Variants in XRCC4 observed in about 807,000 individuals in gnomAD.
XRCC4 encodes DNA repair protein XRCC4.
Under a neutral mutation model 39.1 loss-of-function variants are expected in XRCC4, and 28 were observed. The ratio of observed to expected loss-of-function variants is 0.72; its 90% confidence interval spans 0.53 to 0.98. The LOEUF is 0.98. Ranked by LOEUF, XRCC4 falls within the 50% of genes least tolerant of loss-of-function variation. The probability of loss-of-function intolerance (pLI) is 0.00; values close to 1 mark genes in which losing one functional copy is unlikely to be tolerated. For synonymous variants in XRCC4, 123 were observed against 126.4 expected (o/e 0.97, Z 0.18); for missense variants, 350 against 376.4 (o/e 0.93, Z 0.58).
At chr5:83,259,629 A>G (rs1753680625) in intron 7 of XRCC4, among the ~76,000 whole-genome samples, 1 of 152,140 alleles carries the variant, frequency 6.6e-6, no homozygotes. Context: ...AAAAGTATAA[A>G]ACAATGCCCT....
chr5:83,141,628 G>A (rs10473868), intron 3 of XRCC4, among the ~76,000 whole-genome samples: 73,117 of 151,284 alleles, frequency 0.48, 18,574 homozygotes, highest in African/African-American at 0.63. Context: ...GTTTGTTTGT[G>A]TCTTTTTCCT....
At chr5:83,261,319 C>G (rs956320319) in intron 7 of XRCC4, among the ~76,000 whole-genome samples, 2 of 151,938 alleles carry the variant, frequency 1.3e-5, no homozygotes, top group African/African-American at 4.8e-5. Flanking sequence ...ATTTTTTTCT[C>G]TGACAGCTTG....
At chr5:83,244,886 G>A (rs185389175) in intron 6 of XRCC4, among the ~76,000 whole-genome samples, 12 of 152,252 alleles carry the variant, frequency 7.9e-5, no homozygotes, top group Middle Eastern at 3.4e-3. Flanking sequence ...TTAAACATAA[G>A]TTTGGCATAG....
intron 7 of XRCC4, chr5:83,258,933 A>T (rs1179464449): frequency 7.9e-6 from 3 of 382,052 alleles, no homozygotes; most frequent in Non-Finnish European, 9.4e-6. Flanking sequence ...TAGAAATGGC[A>T]TGTAGGATAC....
chr5:83,176,051 A>ATG (rs1749941929), intron 3 of XRCC4, among the ~76,000 whole-genome samples: 1 of 151,636 alleles, frequency 6.6e-6, no homozygotes, highest in African/African-American at 2.4e-5. Flanking sequence ...TAATAATAAT[A>ATG]ATGATTTAAA....
chr5:83,224,258 TTTTCTG>T (rs1269600598), intron 6 of XRCC4, among the ~76,000 whole-genome samples: 1 of 152,070 alleles, frequency 6.6e-6, no homozygotes, highest in Non-Finnish European at 1.5e-5. Context: ...CTTTTTATTC[TTTTCTG>T]TTTCTCTTTT....
intron 3 of XRCC4, among the ~76,000 whole-genome samples, chr5:83,141,131 C>T (rs1300671826): frequency 1.3e-5 from 2 of 152,312 alleles, no homozygotes; most frequent in African/African-American, 4.8e-5. Context: ...CATATCAGCT[C>T]ATAAGGAACT....
chr5:83,325,516 C>A (rs901375534), intron 7 of XRCC4, among the ~76,000 whole-genome samples: 1 of 151,948 alleles, frequency 6.6e-6, no homozygotes. Context: ...TGTGTCCATG[C>A]GTTCTCATCA....
intron 7 of XRCC4, among the ~76,000 whole-genome samples, chr5:83,273,861 G>A (rs369296546): frequency 7.2e-5 from 11 of 152,022 alleles, no homozygotes; most frequent in Admixed American, 2.0e-4. Context: ...GGTGCCACTA[G>A]CCTTGTTCTT....
chr5:83,244,618 G>A (rs780442129), intron 6 of XRCC4, among the ~76,000 whole-genome samples: 3 of 152,062 alleles, frequency 2.0e-5, no homozygotes, highest in Non-Finnish European at 4.4e-5. Flanking sequence ...CTTTCCCACA[G>A]CTTTGCCTTA....
intron 7 of XRCC4, among the ~76,000 whole-genome samples, chr5:83,294,171 C>A (rs142822062): frequency 6.6e-6 from 1 of 151,956 alleles, no homozygotes; most frequent in African/African-American, 2.4e-5. Context: ...CTGTTGGTAG[C>A]AACCAGATAC....
intron 7 of XRCC4, among the ~76,000 whole-genome samples, chr5:83,271,799 C>T (rs766709433): frequency 2.3e-4 from 35 of 152,186 alleles, no homozygotes; most frequent in Non-Finnish European, 4.3e-4. Context: ...AGCATATGCC[C>T]AGGAGTGAAA....
intron 7 of XRCC4, among the ~76,000 whole-genome samples, chr5:83,264,630 ACCAC>A (rs1753890244): frequency 6.6e-6 from 1 of 152,080 alleles, no homozygotes; most frequent in Non-Finnish European, 1.5e-5. Flanking sequence ...CCTGGAGATG[ACCAC>A]CGTTGAGACC....
intron 6 of XRCC4, among the ~76,000 whole-genome samples, chr5:83,239,657 GT>G (rs1228987207): frequency 3.5e-5 from 5 of 141,074 alleles, no homozygotes; most frequent in Non-Finnish European, 1.5e-5. Flanking sequence ...GTGAAACCCC[GT>G]CTCTACTAAA....
chr5:83,231,542 C>T (rs1464379373), intron 6 of XRCC4, among the ~76,000 whole-genome samples: 2 of 152,154 alleles, frequency 1.3e-5, no homozygotes, highest in East Asian at 3.9e-4. Flanking sequence ...ATCATTTTAT[C>T]TGCCATGTTT....
At chr5:83,344,415 C>CTTTTTT (rs70973394) in intron 7 of XRCC4, among the ~76,000 whole-genome samples, 169 of 115,228 alleles carry the variant, frequency 1.5e-3, no homozygotes, top group East Asian at 4.1e-3. Flanking sequence ...TTATTTTTCA[C>CTTTTTT]TTTTTTTTTT....
At chr5:83,102,652 G>A (rs1745995787) in intron 1 of XRCC4, among the ~76,000 whole-genome samples, 2 of 152,032 alleles carry the variant, frequency 1.3e-5, no homozygotes, top group Non-Finnish European at 1.5e-5. Context: ...CATTTGATGG[G>A]AGACTGGAAA....
At chr5:83,081,268 A>G (rs1369518273) in intron 1 of XRCC4, among the ~76,000 whole-genome samples, 1 of 152,224 alleles carries the variant, frequency 6.6e-6, no homozygotes, top group African/African-American at 2.4e-5. Context: ...ATTACCTTTT[A>G]CATTACCTAC....
At chr5:83,115,985 C>T (rs1367686392) in intron 3 of XRCC4, among the ~76,000 whole-genome samples, 1 of 152,116 alleles carries the variant, frequency 6.6e-6, no homozygotes, top group Non-Finnish European at 1.5e-5. Context: ...TGAGAGATCA[C>T]AAGTTCATTT....
Sources: gnomAD v4.1 joint callset for allele counts (sites outside exome capture counted in the v4.1 genomes callset) on GRCh38, gnomAD v4.1.1 for gene constraint, MANE v1.5 for transcripts, NCBI Gene and HGNC (gene_info 2026-07-23, HGNC 2026-07-21) for gene names.